Variants in RAP1GDS1 observed in about 807,000 individuals in gnomAD.
The protein encoded by RAP1GDS1 is RAP1, GTP-GDP dissociation stimulator 1.
RAP1GDS1 carries 35 observed loss-of-function variants against 71.1 expected under a neutral mutation model. That is an observed-to-expected ratio of 0.49 (90% CI 0.38 to 0.65). The LOEUF (loss-of-function observed/expected upper bound fraction) is 0.65. RAP1GDS1 is among the 30% of genes least tolerant of loss of function. RAP1GDS1 has a pLI of 0.00. For missense variants in RAP1GDS1, 663 were observed against 706.1 expected (o/e 0.94, Z 0.69); for synonymous variants, 229 against 243.1 (o/e 0.94, Z 0.54).
intron 6 of RAP1GDS1, among the ~76,000 whole-genome samples, chr4:98,398,693 C>T (rs1323494753): frequency 1.3e-5 from 2 of 152,204 alleles, no homozygotes; most frequent in Admixed American, 6.5e-5. Context: ...CTACAGACTC[C>T]ACCAAAAACC....
At chr4:98,408,434 G>C (rs941344939) in intron 7 of RAP1GDS1, among the ~76,000 whole-genome samples, 1 of 152,036 alleles carries the variant, frequency 6.6e-6, no homozygotes, top group Admixed American at 6.6e-5. Flanking sequence ...TGCCTGGCCT[G>C]ATGCCAATAT....
chr4:98,388,298 A>G (rs1743069200), intron 5 of RAP1GDS1, among the ~76,000 whole-genome samples: 1 of 152,212 alleles, frequency 6.6e-6, no homozygotes, highest in Non-Finnish European at 1.5e-5. Context: ...CTCTGAAAAT[A>G]TCAGAGTGCC....
At chr4:98,366,649 T>G (rs1405342183) in intron 4 of RAP1GDS1, among the ~76,000 whole-genome samples, 1 of 152,096 alleles carries the variant, frequency 6.6e-6, no homozygotes, top group Non-Finnish European at 1.5e-5. Flanking sequence ...GACAATAAAG[T>G]GCAGGCTGAG....
chr4:98,308,295 C>CTATAT (rs1368490048), intron 2 of RAP1GDS1, among the ~76,000 whole-genome samples: 2 of 72,150 alleles, frequency 2.8e-5, no homozygotes, highest in South Asian at 5.9e-4. Flanking sequence ...TACACACACA[C>CTATAT]ACTATATATA....
chr4:98,351,457 C>T (rs1441323812), intron 3 of RAP1GDS1, among the ~76,000 whole-genome samples: 2 of 151,876 alleles, frequency 1.3e-5, no homozygotes, highest in South Asian at 2.1e-4. Flanking sequence ...GAGGATTGCT[C>T]ATGAGGGTAC....
intron 1 of RAP1GDS1, among the ~76,000 whole-genome samples, chr4:98,271,638 A>G (rs1325949497): frequency 1.3e-5 from 2 of 152,160 alleles, no homozygotes; most frequent in East Asian, 3.8e-4. Context: ...ATATATAATT[A>G]TGTTTTAATA....
chr4:98,352,505 G>C lies in RAP1GDS1; in HGVS notation c.265G>C (p.Gly89Arg), dbSNP rs11549472. Residue 89 changes from glycine (G) to arginine (R), a missense_variant, in exon 4 of 15, where the codon GGA becomes CGA. Physicochemically the swap from Gly to Arg is moderately radical, Grantham distance 125. Coordinates refer to ENST00000408927, the MANE Select transcript of RAP1GDS1 (RefSeq NM_001100427.2). ...EFMRIPCVDAGLISPLVQLLN... is the reference protein window; with the variant it reads ...EFMRIPCVDARLISPLVQLLN... The stretch of plus-strand genomic sequence containing the variant: ...TATGCGAATTCCATGTGTGGATGCT[G>C]GATTGATTTCACCACTGGTGCAGCT... 1 of 1,613,758 alleles carries C rather than the reference G, an allele frequency of 6.2e-7. No homozygotes were observed. Among genetic ancestry groups the C allele is most frequent in the African/African-American group, 1.3e-5 (1 of 74,902 alleles).
At chr4:98,311,987 A>G (rs1157157845) in intron 2 of RAP1GDS1, among the ~76,000 whole-genome samples, 1 of 152,126 alleles carries the variant, frequency 6.6e-6, no homozygotes, top group Non-Finnish European at 1.5e-5. Flanking sequence ...ATGAAATTGG[A>G]ATGAGGAGTA....
intron 4 of RAP1GDS1, among the ~76,000 whole-genome samples, chr4:98,359,889 A>G (rs573596733): frequency 4.8e-4 from 73 of 152,274 alleles, no homozygotes; most frequent in African/African-American, 1.7e-3. Flanking sequence ...ACGAAATTAT[A>G]TTGTAAAGTG....
At chr4:98,268,606 ATGAAT>A (rs1455777381) in intron 1 of RAP1GDS1, among the ~76,000 whole-genome samples, 2 of 152,160 alleles carry the variant, frequency 1.3e-5, no homozygotes, top group Non-Finnish European at 2.9e-5. Context: ...GTCCTAATAA[ATGAAT>A]TCAGTAAAGT....
chr4:98,364,624 C>T (rs1739206293), intron 4 of RAP1GDS1, among the ~76,000 whole-genome samples: 1 of 151,224 alleles, frequency 6.6e-6, no homozygotes, highest in South Asian at 2.1e-4. Flanking sequence ...GTTTAAAGAA[C>T]ACAAAAATAA....
At chr4:98,278,476 A>G (rs1259273521) in intron 1 of RAP1GDS1, among the ~76,000 whole-genome samples, 1 of 152,198 alleles carries the variant, frequency 6.6e-6, no homozygotes, top group Non-Finnish European at 1.5e-5. Context: ...TGAAAATTTA[A>G]TCATAAAAGT....
chr4:98,292,905 T>C (rs919926888), intron 1 of RAP1GDS1, among the ~76,000 whole-genome samples: 1 of 152,160 alleles, frequency 6.6e-6, no homozygotes, highest in Non-Finnish European at 1.5e-5. Context: ...AGCAGTACTT[T>C]GATGTGAAGT....
chr4:98,427,641 C>T (rs1749800593), intron 12 of RAP1GDS1, among the ~76,000 whole-genome samples: 1 of 151,992 alleles, frequency 6.6e-6, no homozygotes, highest in South Asian at 2.1e-4. Context: ...AAATAAAATA[C>T]TTAGGAATAT....
chr4:98,426,129 G>A (rs1286409664), intron 12 of RAP1GDS1, among the ~76,000 whole-genome samples: 1 of 152,048 alleles, frequency 6.6e-6, no homozygotes, highest in African/African-American at 2.4e-5. Flanking sequence ...AATGATCACT[G>A]GGTCAATAAC....
At position 98,442,129 on chromosome 4, in the gene RAP1GDS1, T is replaced by C. The variant is rs1578908435; in HGVS notation, c.*12T>C. The C allele has an allele frequency of 1.2e-6, 2 of 1,611,168 alleles. No homozygotes were observed. The highest frequency in any genetic ancestry group is 8.5e-7 in the Non-Finnish European group (1 of 1,179,550). ...CTGTGGAAAGCTGAGAACTGCCCGATACACGGCATCATCCCATCTCTAATT... is the reference window on the plus strand; with the variant it reads ...CTGTGGAAAGCTGAGAACTGCCCGACACACGGCATCATCCCATCTCTAATT... On this transcript the variant is annotated 3_prime_UTR_variant, in exon 15 of 15. Coordinates refer to ENST00000408927, the MANE Select transcript of RAP1GDS1 (RefSeq NM_001100427.2).
chr4:98,368,210 C>T (rs1230056025), intron 4 of RAP1GDS1, among the ~76,000 whole-genome samples: 1 of 152,072 alleles, frequency 6.6e-6, no homozygotes, highest in Non-Finnish European at 1.5e-5. Context: ...TGCTGCCATC[C>T]ATGTAAGATG....
chr4:98,404,539 A>G lies in RAP1GDS1; in HGVS notation c.700A>G (p.Lys234Glu). The change falls in exon 7 of 15, where the codon AAA (lysine) becomes GAA (glutamate). Residue 234 changes from lysine to glutamate, a missense_variant. Coordinates refer to ENST00000408927, the MANE Select transcript of RAP1GDS1 (RefSeq NM_001100427.2). ...TGAAGAGCTAGTAAAACTCTTCAAG[A>G]AACAAATAGAACATGATAAGAGAGA... ...IAEELVKLFK[K>E]QIEHDKREMI... 6.2e-7 allele frequency: 1 copy of G among 1,608,496 alleles called. No homozygotes were observed. Among genetic ancestry groups the G allele is most frequent in the Non-Finnish European group, 8.5e-7 (1 of 1,177,664 alleles).
chr4:98,436,239 A>G (rs764754452), intron 13 of RAP1GDS1, among the ~76,000 whole-genome samples: 2 of 152,122 alleles, frequency 1.3e-5, no homozygotes, highest in Non-Finnish European at 2.9e-5. Flanking sequence ...AGTTGAGCAT[A>G]TATGTGTGAG....
Sources: allele counts gnomAD v4.1 joint callset (sites outside exome capture counted in the v4.1 genomes callset), GRCh38; gene constraint gnomAD v4.1.1; transcripts MANE v1.5; gene names NCBI Gene and HGNC (gene_info 2026-07-23, HGNC 2026-07-21).